The following PNPLA7 variants were observed in gnomAD, a reference collection of about 807,000 sequenced individuals.
PNPLA7 encodes the protein patatin-like phospholipase domain-containing protein 7.
Under a neutral mutation model 161.7 loss-of-function variants are expected in PNPLA7, and 153 were observed. The observed-to-expected ratio is 0.95, with a 90% CI of 0.83 to 1.08. PNPLA7 has a LOEUF of 1.08. Among genes scored for constraint, PNPLA7 ranks in the 50% least tolerant of loss-of-function variants. PNPLA7 has a pLI of 0.00. For missense variants in PNPLA7, 1,739 were observed against 1,856.6 expected, an observed-to-expected ratio of 0.94 and a Z score of 1.16; for synonymous variants, 809 against 782.1, an observed-to-expected ratio of 1.03 and a Z score of -0.57.
rs1233046000 is a variant in PNPLA7, at chr9:137,500,479, G to A, written c.1757+212C>T. ...GACCAGACCACAGAGACGGCCGTGC[G>A]AAGCTGATCGCTGCGGGCAGGTGGG... On this transcript the variant is annotated intron_variant, in intron 16 of 34. Transcript: ENST00000406427. The surrounding 1 kb of genome is among the most constrained non-coding windows in gnomAD (Gnocchi z 5.5). 1.3e-5 allele frequency among the ~76,000 whole-genome samples: 2 copies of A among 152,184 alleles called. No homozygotes were observed.
chr9:137,462,433 A>G (rs1037979576), intron 30 of PNPLA7, 102 bp from the exon 31 acceptor site: 12 of 1,501,750 alleles, frequency 8.0e-6, no homozygotes, highest in Non-Finnish European at 1.8e-6. Flanking sequence ...CCTCTGGGGT[A>G]GGTAGGTTCT....
Position 137,519,459 on chromosome 9 carries a change from C to G in PNPLA7, c.1084+458G>C, listed in dbSNP as rs572875631. Among the ~76,000 whole-genome samples the G allele has an allele frequency of 9.8e-5, 15 of 152,360 alleles. No homozygotes were observed. The East Asian group carries it at 2.3e-3, about 24-fold the overall frequency. On this transcript the variant is annotated intron_variant, in intron 11 of 34. Coordinates refer to ENST00000406427, the MANE Select transcript of PNPLA7 (RefSeq NM_001098537.3). ...AGAATGGAGGGTGAAGGGTCCTGGG[C>G]CTGTCTGAGGACATCCGGGCCTCAT...
chr9:137,545,655 C>A (rs1416328684), intron 4 of PNPLA7, among the ~76,000 whole-genome samples: 2 of 152,146 alleles, frequency 1.3e-5, no homozygotes, highest in Non-Finnish European at 2.9e-5. Context: ...GTAGCAATTA[C>A]TCTTTATTCC....
In PNPLA7 at chr9:137,463,493, A is replaced by C. The variant is rs1321242764; in HGVS notation, c.3265T>G (p.Ser1089Ala). ...WWYVRASMSL[S>A]GYMPPLCDPK... The stretch of plus-strand genomic sequence containing the variant: ...TCACAGAGAGGGGGCATGTAACCGG[A>C]CAGGGACATGCTGGCACGCACGTAC... Residue 1089 changes from serine (S) to alanine (A), a missense_variant, in exon 29 of 35, where the codon TCC becomes GCC. Physicochemically the swap from Ser to Ala is moderately conservative, Grantham distance 99. This residue lies in a region of PNPLA7 where 703 missense variants were observed against 694.6 expected (regional missense o/e 1.01). Transcript: ENST00000406427. 6.3e-7 allele frequency: 1 copy of C among 1,590,034 alleles called. No homozygotes were observed. The highest frequency in any genetic ancestry group is 1.8e-5 in the Admixed American group (1 of 56,122).
At chr9:137,536,486 A>C (rs1417915141) in intron 8 of PNPLA7, among the ~76,000 whole-genome samples, 1 of 152,112 alleles carries the variant, frequency 6.6e-6, no homozygotes, top group Non-Finnish European at 1.5e-5. Flanking sequence ...GTGAATCTGT[A>C]ATGGGTGCAT....
At chr9:137,493,799 C>T (rs945387761) in intron 19 of PNPLA7, among the ~76,000 whole-genome samples, 5 of 152,242 alleles carry the variant, frequency 3.3e-5, no homozygotes, top group Non-Finnish European at 5.9e-5. Flanking sequence ...CCCTGCTGTT[C>T]CCAGCAACTG....
chr9:137,519,132 T>A (rs912707310), intron 11 of PNPLA7, among the ~76,000 whole-genome samples: 5 of 152,250 alleles, frequency 3.3e-5, no homozygotes, highest in Non-Finnish European at 7.3e-5. Flanking sequence ...CTCCTCACTC[T>A]CATCAGCATT....
chr9:137,479,237 A>G lies in PNPLA7; in HGVS notation c.2582T>C (p.Leu861Pro). The G allele has an allele frequency of 1.3e-6, 2 of 1,531,488 alleles. No homozygotes were observed. The highest frequency in any genetic ancestry group is 1.8e-6 in the Non-Finnish European group (2 of 1,134,818). The allele number at this position is 1,531,488 out of a possible 1,614,324, so 94.9% of individuals were successfully genotyped here. A position where few individuals can be genotyped will look rare whatever the true frequency, so the allele number is the denominator to read the frequency against. Reference protein sequence around the residue: ...LGDQEPTVGELERMLESTAVR... With the variant: ...LGDQEPTVGEPERMLESTAVR... ...AGCTGTGCTCTCCAGCATCCGCTCC[A>G]GCTGAAAGGCAGAGCCCACGTGTCT... Residue 861 changes from leucine (L) to proline (P), a missense_variant and splice_region_variant, in exon 24 of 35, where the codon CTG (leucine) becomes CCG (proline). This residue lies in a region of PNPLA7 where 703 missense variants were observed against 694.6 expected (regional missense o/e 1.01). Transcript: ENST00000406427.
chr9:137,480,243 AG>A lies in PNPLA7; in HGVS notation c.2580+68del. The A allele has an allele frequency of 4.6e-6, 7 of 1,530,076 alleles. No individual in the cohort carries two copies. The South Asian group carries it at 7.1e-5, about 15-fold the overall frequency. 94.8% of individuals were successfully genotyped at this position (1,530,076 alleles called of 1,614,324 possible). A position where few individuals can be genotyped will look rare whatever the true frequency, so the allele number is the denominator to read the frequency against. ...TGAGTTTGTGCAGTATTTTACTCAA[AG>A]GAAAAGAGAAACAGGAGGTTCTGAA... On this transcript the variant is annotated intron_variant, in intron 23 of 34. Transcript: ENST00000406427.
intron 12 of PNPLA7, among the ~76,000 whole-genome samples, chr9:137,514,645 C>T (rs1374169467): frequency 1.1e-3 from 119 of 107,040 alleles, no homozygotes; most frequent in African/African-American, 1.5e-3. Flanking sequence ...GCGGGTCACC[C>T]GGATGTTGAG....
Position 137,540,722 on chromosome 9 carries a change from C to T in PNPLA7, c.667G>A (p.Asp223Asn). 1 of 1,608,250 alleles carries T rather than the reference C, an allele frequency of 6.2e-7. No individual in the cohort carries two copies. The highest frequency in any genetic ancestry group is 1.1e-5 in the South Asian group (1 of 90,236). ...TCTTTCACCACCACCTCGGTGCCGT[C>T]CTGCGCTTGGAGAGCAGAGTGGGTG... Reference protein sequence around the residue: ...GRLEVCIQDTDGTEVVVKEVL... With the variant: ...GRLEVCIQDTNGTEVVVKEVL... The change falls in exon 8 of 35, where the codon GAC (aspartate) becomes AAC (asparagine). Residue 223 changes from aspartate (D) to asparagine (N), a missense_variant and splice_region_variant. Transcript: ENST00000406427. This position sits in a 1 kb window ranked among gnomAD's most constrained non-coding sequence, Gnocchi z 5.1.
chr9:137,529,411 T>G (rs1160720242), intron 8 of PNPLA7, among the ~76,000 whole-genome samples: 1 of 152,240 alleles, frequency 6.6e-6, no homozygotes, highest in African/African-American at 2.4e-5. Context: ...TTGTTGTATT[T>G]AGACCATTTG....
chr9:137,467,728 T>C lies in PNPLA7; in HGVS notation c.2883-255A>G, dbSNP rs1012032407. 6.6e-6 allele frequency among the ~76,000 whole-genome samples: 1 copy of C among 152,028 alleles called. No homozygotes were observed. Among genetic ancestry groups the C allele is most frequent in the Non-Finnish European group, 1.5e-5 (1 of 68,002 alleles). ...GCCTGGCCAACAGGGCAAAATTCCA[T>C]CTCTACTAAAAATACTAAAATTAGC... is the stretch of plus-strand genomic sequence containing the variant. On this transcript the variant is annotated intron_variant, in intron 25 of 34. Transcript: ENST00000406427. This position sits in a 1 kb window ranked among gnomAD's most constrained non-coding sequence, Gnocchi z 5.1.
intron 20 of PNPLA7, among the ~76,000 whole-genome samples, chr9:137,485,326 G>A (rs1054681748): frequency 2.6e-5 from 4 of 151,182 alleles, no homozygotes; most frequent in Admixed American, 1.3e-4. Flanking sequence ...CCAGACAAAC[G>A]CTGCAGGTAA....
intron 11 of PNPLA7, 87 bp from the exon 12 acceptor site, chr9:137,515,606 G>A: frequency 7.0e-7 from 1 of 1,424,784 alleles, no homozygotes; most frequent in Admixed American, 2.8e-5. Flanking sequence ...CAGGGAGCAG[G>A]GTCCCCACAG....
At position 137,464,137 on chromosome 9, in the gene PNPLA7, A is replaced by G; in HGVS notation, c.3215T>C (p.Val1072Ala). The change falls in exon 28 of 35, where the codon GTC becomes GCC. Residue 1072 changes from valine to alanine, a missense_variant. Physicochemically the swap from Val to Ala is moderately conservative, Grantham distance 64. Transcript: ENST00000406427. ...TTDITASAMR[V>A]HTDGSLWWYV... ...GCAGGAGTGCTCACCGTCGGTGTGG[A>G]CCCGCATGGCCGAGGCTGTGATGTC... 1.2e-6 allele frequency: 2 copies of G among 1,613,372 alleles called. No individual in the cohort carries two copies. Among genetic ancestry groups the G allele is most frequent in the Non-Finnish European group, 1.7e-6 (2 of 1,179,858 alleles).
intron 9 of PNPLA7, 24 bp downstream of exon 9, chr9:137,522,705 G>T (rs1226017403): frequency 1.2e-6 from 2 of 1,612,574 alleles, no homozygotes; most frequent in African/African-American, 2.7e-5. Context: ...GCAGCTAGAA[G>T]AGTTGTCTGA....
At chr9:137,474,059 T>C (rs901132710) in intron 25 of PNPLA7, among the ~76,000 whole-genome samples, 1 of 151,984 alleles carries the variant, frequency 6.6e-6, no homozygotes, top group Admixed American at 6.6e-5. Context: ...GCCCACATGG[T>C]GAAAGCCCGT....
Position 137,500,907 on chromosome 9 carries a change from A to C in PNPLA7, c.1552-11T>G. ...CAGGATGCTGGCGTCCTGACACACGAGAGGGCTCAGGAGGCGCCGCGAGTG... is the reference window on the plus strand; with the variant it reads ...CAGGATGCTGGCGTCCTGACACACGCGAGGGCTCAGGAGGCGCCGCGAGTG... On this transcript the variant is annotated splice_polypyrimidine_tract_variant and intron_variant, in intron 15 of 34. Transcript: ENST00000406427. This position sits in a 1 kb window ranked among gnomAD's most constrained non-coding sequence, Gnocchi z 5.5. The C allele has an allele frequency of 6.4e-7, 1 of 1,556,652 alleles. No individual in the cohort carries two copies. The highest frequency in any genetic ancestry group is 8.7e-7 in the Non-Finnish European group (1 of 1,155,340).
Sources: gnomAD v4.1 joint callset for allele counts (sites outside exome capture counted in the v4.1 genomes callset) on GRCh38, gnomAD v4.1.1 for gene constraint, gnomAD v4.1.1 regional missense constraint, Gnocchi (gnomAD v3.1) non-coding constraint, MANE v1.5 for transcripts, NCBI Gene and HGNC (gene_info 2026-07-23, HGNC 2026-07-21) for gene names.